The following CKAP2L variants were observed in gnomAD, a reference collection of about 807,000 sequenced individuals.
CKAP2L encodes the protein cytoskeleton-associated protein 2-like.
In CKAP2L, 42 loss-of-function variants were observed where a neutral mutation model predicts 65.7. The ratio of observed to expected loss-of-function variants is 0.64; its 90% CI spans 0.50 to 0.83. CKAP2L has a LOEUF of 0.83. Ranked by LOEUF, CKAP2L falls within the 40% of genes least tolerant of loss-of-function variation. The pLI, the probability that CKAP2L is intolerant of heterozygous loss-of-function variation, is 0.00. For synonymous variants in CKAP2L, 325 were observed against 313.5 expected (o/e 1.04, Z -0.39); for missense variants, 908 against 871.0 (o/e 1.04, Z -0.53).
chr2:112,751,019 T>G (rs980439233), intron 5 of CKAP2L, among the ~76,000 whole-genome samples: 2 of 152,122 alleles, frequency 1.3e-5, no homozygotes, highest in East Asian at 1.9e-4. Flanking sequence ...GTCACAAAAT[T>G]ACTAAAGTTG....
chr2:112,761,304 CA>C (rs1335826489), intron 2 of CKAP2L, among the ~76,000 whole-genome samples: 2 of 151,324 alleles, frequency 1.3e-5, no homozygotes, highest in Non-Finnish European at 2.9e-5. Flanking sequence ...ACTAAAAATA[CA>C]AAAAAATTAG....
chr2:112,742,276 T>C (rs1680028098), intron 7 of CKAP2L: 1 of 674,972 alleles, frequency 1.5e-6, no homozygotes, highest in Non-Finnish European at 2.7e-6. Flanking sequence ...TTATGACCAC[T>C]GACAGTGATG....
chr2:112,742,182 C>G (rs1355331572), intron 7 of CKAP2L, among the ~76,000 whole-genome samples: 2 of 151,924 alleles, frequency 1.3e-5, no homozygotes, highest in Non-Finnish European at 1.5e-5. Flanking sequence ...TTTTTCTTTC[C>G]ATTCATATAA....
Position 112,756,310 on chromosome 2 carries a change from TCTTG to T in CKAP2L, c.1057_1060del (p.Gln353IlefsTer22). ...TATACAAACTTGGCTGGACTTCTGA[TCTTG>T]CTTGATGTTTGGATGTCTGTTGTTA... On this transcript the variant is annotated frameshift_variant, in exon 4 of 9. Transcript: ENST00000302450. LOFTEE classifies it high-confidence loss of function. 6.2e-7 allele frequency: 1 copy of T among 1,613,960 alleles called. No homozygotes were observed. Among genetic ancestry groups the T allele is most frequent in the Non-Finnish European group, 8.5e-7 (1 of 1,179,936 alleles).
At position 112,738,913 on chromosome 2, in the gene CKAP2L, T is replaced by C. The variant is rs754041623; in HGVS notation, c.2148A>G (p.Glu716=). 6.2e-6 allele frequency: 10 copies of C among 1,614,114 alleles called. No homozygotes were observed. In the South Asian group the frequency reaches 1.1e-4, roughly 18 times the overall value. ...ATTTTGTTTCTTCCACTTCTAACAG[T>C]TCATCAAGAGAAGCCACTACTAAAT... ...EHDLVVASLD[E]LLEVEETKCF... The change falls in exon 9 of 9, where the codon GAA becomes GAG. Residue 716 remains glutamate (E), a synonymous_variant. Transcript: ENST00000302450.
Position 112,740,953 on chromosome 2 carries a change from A to T in CKAP2L, c.1877T>A (p.Leu626Gln). Residue 626 changes from leucine (L) to glutamine (Q), a missense_variant, in exon 8 of 9, where the codon CTG becomes CAG. Leu to Gln is a moderately radical substitution (Grantham distance 113, BLOSUM62 -2). Transcript: ENST00000302450. ...CTTCACAGATTCCATCTTCTTGGCC[A>T]GCTCTTCCACTGATGTTATACTAGT... ...AETSITSVEE[L>Q]AKKMESVKSC... is the part of the protein sequence containing the mutation. 1 of 1,614,020 alleles carries T rather than the reference A, an allele frequency of 6.2e-7. No homozygotes were observed. Among genetic ancestry groups the T allele is most frequent in the African/African-American group, 1.3e-5 (1 of 75,050 alleles).
At chr2:112,739,785 G>T (rs1404598911) in intron 8 of CKAP2L, among the ~76,000 whole-genome samples, 1 of 152,118 alleles carries the variant, frequency 6.6e-6, no homozygotes, top group Non-Finnish European at 1.5e-5. Context: ...CTTTCAAGCT[G>T]GTGGGAGCAC....
At chr2:112,757,674 GCCA>G (rs1362951321) in intron 3 of CKAP2L, among the ~76,000 whole-genome samples, 2 of 152,146 alleles carry the variant, frequency 1.3e-5, no homozygotes, top group Admixed American at 6.5e-5. Context: ...ACAGGTATGA[GCCA>G]CCACACCTGT....
intron 7 of CKAP2L, 91 bp from the exon 8 acceptor site, chr2:112,741,098 G>C (rs891099410): frequency 4.9e-6 from 4 of 823,866 alleles, no homozygotes; most frequent in Non-Finnish European, 5.9e-6. Flanking sequence ...TACATACAAT[G>C]ATTTCCCAGT....
intron 6 of CKAP2L, among the ~76,000 whole-genome samples, chr2:112,744,366 G>A (rs891120975): frequency 2.0e-5 from 3 of 152,186 alleles, no homozygotes; most frequent in African/African-American, 7.2e-5. Flanking sequence ...GTGTGGCTAA[G>A]AAACAACCTG....
chr2:112,753,941 T>C (rs1012116000), intron 4 of CKAP2L, among the ~76,000 whole-genome samples: 8 of 152,222 alleles, frequency 5.3e-5, no homozygotes, highest in African/African-American at 1.9e-4. Context: ...CCGTGTCTTA[T>C]TTAGTCAATG....
At position 112,748,079 on chromosome 2, in the gene CKAP2L, A is replaced by G. The variant is rs899638501; in HGVS notation, c.1603-1504T>C. ...TTCTGAAGGATATATCCATTACTCA[A>G]TAACTCCAATATCCATCTAAGAGAG... On this transcript the variant is annotated intron_variant, in intron 5 of 8. Transcript: ENST00000302450. Among the ~76,000 whole-genome samples the G allele has an allele frequency of 5.3e-5, 8 of 152,268 alleles. 1 individual carries two copies. Among genetic ancestry groups the G allele is most frequent in the East Asian group, 1.9e-4 (1 of 5,204 alleles).
intron 4 of CKAP2L, among the ~76,000 whole-genome samples, chr2:112,754,818 C>T (rs529593762): frequency 1.3e-5 from 2 of 152,336 alleles, no homozygotes; most frequent in South Asian, 4.1e-4. Context: ...TTCACCACCT[C>T]AAGGTCTCTG....
At chr2:112,760,644 A>G (rs1680689373) in intron 3 of CKAP2L, 69 bp downstream of exon 3, 2 of 780,202 alleles carry the variant, frequency 2.6e-6, no homozygotes, top group Non-Finnish European at 4.2e-6. Flanking sequence ...GGTTGCTAAC[A>G]TCTTTATTAT....
chr2:112,747,835 T>C (rs1440825233), intron 5 of CKAP2L, among the ~76,000 whole-genome samples: 4 of 152,244 alleles, frequency 2.6e-5, no homozygotes, highest in African/African-American at 9.6e-5. Flanking sequence ...GGAATACTTT[T>C]AAGAGTATCA....
chr2:112,749,058 A>G (rs1177320795), intron 5 of CKAP2L, among the ~76,000 whole-genome samples: 1 of 152,244 alleles, frequency 6.6e-6, no homozygotes, highest in Non-Finnish European at 1.5e-5. Context: ...AATAGCAGGC[A>G]TAAGTTTAAA....
At chr2:112,741,059 A>T in intron 7 of CKAP2L, 52 bp from the exon 8 acceptor site, 3 of 1,207,750 alleles carry the variant, frequency 2.5e-6, no homozygotes, top group Non-Finnish European at 3.6e-6. Context: ...TTAATACTTC[A>T]ACTAGAAGTC....
intron 5 of CKAP2L, among the ~76,000 whole-genome samples, chr2:112,751,505 C>T (rs1680372112): frequency 6.6e-6 from 1 of 151,988 alleles, no homozygotes; most frequent in African/African-American, 2.4e-5. Flanking sequence ...TAAAAAGGTA[C>T]TCATTTTTAA....
At chr2:112,751,181 A>G (rs1290654372) in intron 5 of CKAP2L, among the ~76,000 whole-genome samples, 1 of 152,252 alleles carries the variant, frequency 6.6e-6, no homozygotes, top group African/African-American at 2.4e-5. Context: ...CATGTCATAC[A>G]AACTATTTTC....
Sources: gnomAD v4.1 joint callset for allele counts (sites outside exome capture counted in the v4.1 genomes callset) on GRCh38, gnomAD v4.1.1 for gene constraint, MANE v1.5 for transcripts, NCBI Gene and HGNC (gene_info 2026-07-23, HGNC 2026-07-21) for gene names.